The following ASTN2 variants were observed in gnomAD, a reference collection of about 807,000 sequenced individuals.
ASTN2 encodes the protein astrotactin-2.
A neutral mutation model predicts 139.8 loss-of-function variants in ASTN2; 54 were observed. The observed-to-expected ratio is 0.39, with a 90% confidence interval of 0.31 to 0.48. The LOEUF (loss-of-function observed/expected upper bound fraction) is 0.48, where lower values mean the gene tolerates loss of function less well. Ranked by LOEUF, ASTN2 falls within the 20% of genes least tolerant of loss-of-function variation. ASTN2 has a pLI of 0.95. For missense variants in ASTN2, 1,565 were observed against 1,725.1 expected, an observed-to-expected ratio of 0.91 and a Z score of 1.64; for synonymous variants, 756 against 719.5, an observed-to-expected ratio of 1.05 and a Z score of -0.81.
chr9:116,994,760 T>G (rs1413037850), intron 7 of ASTN2, among the ~76,000 whole-genome samples: 2 of 152,194 alleles, frequency 1.3e-5, no homozygotes, highest in African/African-American at 4.8e-5. Context: ...TTCTATTATC[T>G]TCCACCCCCA....
chr9:116,852,035 A>G (rs896277663), intron 11 of ASTN2, among the ~76,000 whole-genome samples: 2 of 152,180 alleles, frequency 1.3e-5, no homozygotes, highest in Non-Finnish European at 2.9e-5. Flanking sequence ...GTTGAGAAAC[A>G]GGGTCCCTTC....
At chr9:116,909,118 G>A (rs1000045938) in intron 10 of ASTN2, among the ~76,000 whole-genome samples, 4 of 152,154 alleles carry the variant, frequency 2.6e-5, no homozygotes, top group African/African-American at 9.7e-5. Context: ...GAGGCATTTG[G>A]GCAGGAGGTG....
chr9:117,079,585 A>G (rs1293205921), intron 5 of ASTN2, among the ~76,000 whole-genome samples: 1 of 152,212 alleles, frequency 6.6e-6, no homozygotes, highest in Non-Finnish European at 1.5e-5. Context: ...GAACCTTCTC[A>G]TGGTCTAGAA....
At chr9:116,613,821 A>G (rs1367169555) in intron 19 of ASTN2, among the ~76,000 whole-genome samples, 1 of 152,228 alleles carries the variant, frequency 6.6e-6, no homozygotes, top group African/African-American at 2.4e-5. Flanking sequence ...GGCACAAGAC[A>G]GGGATGCCCT....
At chr9:117,342,679 G>A (rs879881509) in intron 1 of ASTN2, among the ~76,000 whole-genome samples, 5 of 152,192 alleles carry the variant, frequency 3.3e-5, no homozygotes, top group Admixed American at 3.3e-4. Context: ...GACTTAACAC[G>A]CAATATTACC....
chr9:116,780,521 T>C (rs191881098), intron 13 of ASTN2, among the ~76,000 whole-genome samples: 30 of 152,194 alleles, frequency 2.0e-4, no homozygotes, highest in Non-Finnish European at 3.2e-4. Flanking sequence ...TGAGAAGCAA[T>C]TGGAAAGTGA....
chr9:116,732,159 C>T (rs1333047724), intron 14 of ASTN2, among the ~76,000 whole-genome samples: 1 of 152,216 alleles, frequency 6.6e-6, no homozygotes, highest in Non-Finnish European at 1.5e-5. Flanking sequence ...ATGCCATCAG[C>T]TTTGGAGTCA....
chr9:116,529,555 G>C (rs558373555), intron 19 of ASTN2, among the ~76,000 whole-genome samples: 64 of 152,246 alleles, frequency 4.2e-4, no homozygotes, highest in African/African-American at 1.5e-3. Flanking sequence ...ATTGCATTTT[G>C]AAATGTGAGA....
At chr9:116,854,922 G>A (rs1157849758) in intron 11 of ASTN2, among the ~76,000 whole-genome samples, 3 of 151,876 alleles carry the variant, frequency 2.0e-5, no homozygotes, top group Non-Finnish European at 4.4e-5. Flanking sequence ...AAAGTGCTAG[G>A]ATTACAGGTT....
intron 19 of ASTN2, among the ~76,000 whole-genome samples, chr9:116,529,789 T>G (rs1008123095): frequency 9.2e-5 from 14 of 151,988 alleles, no homozygotes; most frequent in Non-Finnish European, 1.0e-4. Context: ...TCACTCTCTT[T>G]CCTGCCACCA....
chr9:116,889,464 T>A (rs1287281927), intron 10 of ASTN2, among the ~76,000 whole-genome samples: 1 of 152,074 alleles, frequency 6.6e-6, no homozygotes, highest in East Asian at 1.9e-4. Context: ...TCCGGGTCCA[T>A]CTCTAATGAG....
chr9:116,549,424 G>A (rs1291513497), intron 19 of ASTN2, among the ~76,000 whole-genome samples: 1 of 152,202 alleles, frequency 6.6e-6, no homozygotes, highest in African/African-American at 2.4e-5. Context: ...TGGCTGTACA[G>A]TTCGTATTTG....
intron 17 of ASTN2, among the ~76,000 whole-genome samples, chr9:116,649,259 G>A (rs925195173): frequency 6.6e-6 from 1 of 151,968 alleles, no homozygotes. Context: ...AAAGAAGGGA[G>A]GAAAGGGTGT....
intron 13 of ASTN2, among the ~76,000 whole-genome samples, chr9:116,735,678 G>A (rs1052043658): frequency 5.9e-5 from 9 of 152,170 alleles, no homozygotes; most frequent in African/African-American, 2.2e-4. Flanking sequence ...TGCATGTGCT[G>A]GGTGCTGCTG....
intron 3 of ASTN2, among the ~76,000 whole-genome samples, chr9:117,177,278 T>C (rs1376565067): frequency 6.6e-6 from 1 of 152,232 alleles, no homozygotes. Flanking sequence ...TACTTACAGC[T>C]AGCCTTGTTT....
At chr9:116,763,104 C>A (rs1829716120) in intron 13 of ASTN2, among the ~76,000 whole-genome samples, 1 of 152,160 alleles carries the variant, frequency 6.6e-6, no homozygotes, top group African/African-American at 2.4e-5. Flanking sequence ...TTTCTGAGGA[C>A]CCCCAATAAT....
At chr9:116,515,020 C>G (rs184496553) in intron 19 of ASTN2, among the ~76,000 whole-genome samples, 35 of 152,248 alleles carry the variant, frequency 2.3e-4, no homozygotes, top group Non-Finnish European at 3.7e-4. Flanking sequence ...CACTGTCCAA[C>G]AAGCCCCAGT....
At chr9:117,209,525 A>G (rs1832050288) in intron 3 of ASTN2, among the ~76,000 whole-genome samples, 1 of 152,144 alleles carries the variant, frequency 6.6e-6, no homozygotes, top group Admixed American at 6.5e-5. Context: ...ATATATTTAC[A>G]CTAAACACCA....
At chr9:117,146,738 G>A (rs963437177) in intron 3 of ASTN2, among the ~76,000 whole-genome samples, 2 of 152,108 alleles carry the variant, frequency 1.3e-5, no homozygotes, top group African/African-American at 4.8e-5. Flanking sequence ...AAATCCCACA[G>A]ATTACCATTA....
Sources: allele counts gnomAD v4.1 joint callset (sites outside exome capture counted in the v4.1 genomes callset), GRCh38; gene constraint gnomAD v4.1.1; transcripts MANE v1.5; gene names NCBI Gene and HGNC (gene_info 2026-07-23, HGNC 2026-07-21).